Variants in CLNK observed in about 807,000 individuals in gnomAD.
CLNK encodes the protein cytokine-dependent hematopoietic cell linker.
CLNK carries 74 observed loss-of-function variants against 68.6 expected under a neutral mutation model. That is an observed-to-expected ratio of 1.08 (90% CI 0.89 to 1.31). The LOEUF (loss-of-function observed/expected upper bound fraction) is 1.31, where lower values mean the gene tolerates loss of function less well. Among genes scored for constraint, CLNK ranks in the 50% most tolerant of loss-of-function variants. The pLI, the probability that CLNK is intolerant of heterozygous loss-of-function variation, is 0.00. For missense variants in CLNK, 553 were observed against 515.3 expected (o/e 1.07, Z -0.71); for synonymous variants, 198 against 172.2 (o/e 1.15, Z -1.17).
At chr4:10,516,826 T>C (rs954660455) in intron 15 of CLNK, among the ~76,000 whole-genome samples, 2 of 152,158 alleles carry the variant, frequency 1.3e-5, no homozygotes, top group African/African-American at 2.4e-5. Context: ...GCTGGGATTA[T>C]AGGCGTGAGC....
intron 2 of CLNK, among the ~76,000 whole-genome samples, chr4:10,605,425 T>G (rs1288286127): frequency 6.6e-6 from 1 of 152,090 alleles, no homozygotes; most frequent in Non-Finnish European, 1.5e-5. Context: ...CTAAAGAGCA[T>G]GTTACTGTAA....
chr4:10,505,104 A>G lies in CLNK; in HGVS notation c.984+2855T>C, dbSNP rs143754294. Among the ~76,000 whole-genome samples, 148 of 152,318 alleles carry G rather than the reference A, an allele frequency of 9.7e-4. 1 individual carries two copies. The highest frequency in any genetic ancestry group is 3.5e-3 in the African/African-American group (145 of 41,570). On this transcript the variant is annotated intron_variant, in intron 17 of 18. Coordinates refer to ENST00000226951, the MANE Select transcript of CLNK (RefSeq NM_052964.4). ...ACGGAAAACAGGCTCTGTGAGTGCA[A>G]TGGTGTACTGGGCACTGATTAGCCA...
intron 2 of CLNK, among the ~76,000 whole-genome samples, chr4:10,626,691 C>T (rs776181121): frequency 1.2e-4 from 18 of 152,206 alleles, no homozygotes; most frequent in Non-Finnish European, 2.2e-4. Context: ...GATATATGCA[C>T]TATGAGATGT....
chr4:10,558,690 C>G (rs970645274), intron 7 of CLNK, among the ~76,000 whole-genome samples: 4 of 152,136 alleles, frequency 2.6e-5, no homozygotes, highest in African/African-American at 9.7e-5. Context: ...GAGAACCAAT[C>G]CTGCCTCTAT....
chr4:10,533,115 G>T (rs144246826), intron 11 of CLNK, among the ~76,000 whole-genome samples: 20 of 151,898 alleles, frequency 1.3e-4, no homozygotes, highest in African/African-American at 4.4e-4. Flanking sequence ...AAGATTAGCC[G>T]GGTGTGATGA....
intron 8 of CLNK, among the ~76,000 whole-genome samples, chr4:10,554,993 A>T (rs1236490382): frequency 6.6e-6 from 1 of 152,236 alleles, no homozygotes; most frequent in Non-Finnish European, 1.5e-5. Flanking sequence ...CTACTTGCTG[A>T]TGGCCTTGAG....
At chr4:10,701,804 TTAAAG>T in the CLNK span, among the ~76,000 whole-genome samples, 1 of 152,210 alleles carries the variant, frequency 6.6e-6, no homozygotes, top group African/African-American at 2.4e-5. Flanking sequence ...GTACTTCTAC[TTAAAG>T]TGAAATCCAG....
intron 2 of CLNK, among the ~76,000 whole-genome samples, chr4:10,602,475 A>C (rs1272031923): frequency 6.6e-6 from 1 of 152,178 alleles, no homozygotes; most frequent in East Asian, 1.9e-4. Flanking sequence ...GAAAAGACCC[A>C]TGTGAAGATG....
chr4:10,673,036 C>T (rs941735989), intron 1 of CLNK, among the ~76,000 whole-genome samples: 2 of 152,102 alleles, frequency 1.3e-5, no homozygotes, highest in East Asian at 1.9e-4. Context: ...CTATCACATC[C>T]AAAGATTTTA....
At chr4:10,624,838 T>A (rs1053576201) in intron 2 of CLNK, among the ~76,000 whole-genome samples, 1 of 152,114 alleles carries the variant, frequency 6.6e-6, no homozygotes, top group Non-Finnish European at 1.5e-5. Flanking sequence ...CTGTCCAAAC[T>A]TTTTGTGTTA....
At chr4:10,660,656 C>T (rs1280728165) in intron 2 of CLNK, among the ~76,000 whole-genome samples, 1 of 152,146 alleles carries the variant, frequency 6.6e-6, no homozygotes, top group African/African-American at 2.4e-5. Flanking sequence ...CTGGAAGTTT[C>T]CCAAGTGGTG....
chr4:10,674,382 G>A (rs1577212969), intron 1 of CLNK, among the ~76,000 whole-genome samples: 1 of 152,174 alleles, frequency 6.6e-6, no homozygotes, highest in East Asian at 1.9e-4. Flanking sequence ...AATTGCAAAT[G>A]CCAACATGGG....
chr4:10,581,713 G>A (rs1720791455), intron 4 of CLNK, among the ~76,000 whole-genome samples: 1 of 151,794 alleles, frequency 6.6e-6, no homozygotes, highest in Non-Finnish European at 1.5e-5. Flanking sequence ...CCACAAATTG[G>A]TTGAATGAAT....
intron 7 of CLNK, among the ~76,000 whole-genome samples, chr4:10,564,104 C>CT (rs371222469): frequency 0.023 from 3,126 of 135,800 alleles, 106 homozygotes; most frequent in East Asian, 0.068. Flanking sequence ...TAGATTTTTT[C>CT]TTTTTTTTTT....
the CLNK span, among the ~76,000 whole-genome samples, chr4:10,712,169 C>G: frequency 6.6e-6 from 1 of 151,998 alleles, no homozygotes; most frequent in South Asian, 2.1e-4. Flanking sequence ...ATTGTGAGAC[C>G]TTTACCCCTC....
intron 1 of CLNK, among the ~76,000 whole-genome samples, chr4:10,671,081 A>T (rs1185693199): frequency 2.0e-5 from 3 of 152,210 alleles, no homozygotes; most frequent in Admixed American, 6.5e-5. Context: ...AACTCTTCTG[A>T]CATTTTAAAA....
the CLNK span, among the ~76,000 whole-genome samples, chr4:10,699,494 C>CTCTCTATATATATATATATATATA: frequency 1.8e-5 from 1 of 56,990 alleles, no homozygotes; most frequent in African/African-American, 9.1e-5. Flanking sequence ...CTCTCTCTCT[C>CTCTCTATATATATATATATATATA]TATATATATA....
the CLNK span, among the ~76,000 whole-genome samples, chr4:10,734,321 G>A: frequency 2.0e-5 from 3 of 152,200 alleles, no homozygotes; most frequent in East Asian, 3.9e-4. Context: ...CTGGTCTTGG[G>A]CCCACACATA....
chr4:10,695,385 A>G, the CLNK span, among the ~76,000 whole-genome samples: 1 of 152,208 alleles, frequency 6.6e-6, no homozygotes, highest in African/African-American at 2.4e-5. Context: ...AAAAATAAAA[A>G]ATGAATAAAA....
Sources: allele counts gnomAD v4.1 joint callset (sites outside exome capture counted in the v4.1 genomes callset), GRCh38; gene constraint gnomAD v4.1.1; transcripts MANE v1.5; gene names NCBI Gene and HGNC (gene_info 2026-07-23, HGNC 2026-07-21).